The following INTS6 variants were observed in gnomAD, a reference collection of about 807,000 sequenced individuals.
The protein encoded by INTS6 is DEAD box protein.
INTS6 carries 16 observed loss-of-function variants against 104.9 expected under a neutral mutation model. That is an observed-to-expected ratio of 0.15 (90% CI 0.10 to 0.23). The LOEUF (loss-of-function observed/expected upper bound fraction) is 0.23, where lower values mean the gene tolerates loss of function less well. Among genes scored for constraint, INTS6 ranks in the 10% least tolerant of loss-of-function variants. INTS6 has a pLI of 1.00. For missense variants in INTS6, 584 were observed against 1,062.8 expected, an observed-to-expected ratio of 0.55 and a Z score of 6.26; for synonymous variants, 324 against 358.7, an observed-to-expected ratio of 0.90 and a Z score of 1.09.
At chr13:51,425,777 A>C (rs1408405603) in intron 4 of INTS6, among the ~76,000 whole-genome samples, 2 of 152,102 alleles carry the variant, frequency 1.3e-5, no homozygotes, top group Non-Finnish European at 2.9e-5. Context: ...TTCTACCAAA[A>C]CATTTGATAT....
chr13:51,403,583 A>AAAAAGAAAAAG (rs1956484386), intron 4 of INTS6, among the ~76,000 whole-genome samples: 1 of 106,420 alleles, frequency 9.4e-6, no homozygotes, highest in Non-Finnish European at 1.8e-5. Flanking sequence ...CTCCATTTCA[A>AAAAAGAAAAAG]AAAAAAAAAA....
At chr13:51,336,721 T>C in the INTS6 span, among the ~76,000 whole-genome samples, 1 of 152,176 alleles carries the variant, frequency 6.6e-6, no homozygotes, top group Non-Finnish European at 1.5e-5. Context: ...GCTGTCATCT[T>C]CACAGTGAGA....
At chr13:51,349,124 T>C (rs913783681), downstream of INTS6, among the ~76,000 whole-genome samples, 1 of 152,114 alleles carries the variant, frequency 6.6e-6, no homozygotes, top group Non-Finnish European at 1.5e-5. Flanking sequence ...GAAATCAGAG[T>C]AAATTTATAA....
the INTS6 span, among the ~76,000 whole-genome samples, chr13:51,346,186 C>T: frequency 8.5e-5 from 13 of 152,282 alleles, no homozygotes; most frequent in South Asian, 8.3e-4. Flanking sequence ...AAAAACTATC[C>T]CCTTAAGGGT....
At chr13:51,374,156 G>T in intron 15 of INTS6, 52 bp downstream of exon 15, 3 of 1,417,810 alleles carry the variant, frequency 2.1e-6, no homozygotes, top group Non-Finnish European at 3.0e-6. Context: ...TATCTTCCTT[G>T]AAAAGGAACC....
At chr13:51,376,232 A>G in intron 12 of INTS6, 58 bp from the exon 13 acceptor site, 1 of 1,412,654 alleles carries the variant, frequency 7.1e-7, no homozygotes, top group Non-Finnish European at 9.6e-7. Context: ...ACAAGAGACT[A>G]AAATCTCTAG....
chr13:51,361,748 C>G lies in INTS6; in HGVS notation c.*4004G>C. 1 of 1,408,692 alleles carries G rather than the reference C, an allele frequency of 7.1e-7. No homozygotes were observed. Among genetic ancestry groups the G allele is most frequent in the East Asian group, 2.3e-5 (1 of 42,956 alleles). The allele number at this position is 1,408,692 out of a possible 1,614,324, so 87.3% of individuals were successfully genotyped here. A position where few individuals can be genotyped will look rare whatever the true frequency, so the allele number is the denominator to read the frequency against. On this transcript the variant is annotated 3_prime_UTR_variant, in exon 18 of 18. Transcript: ENST00000311234. Reference sequence around the variant, plus strand: ...TTAAAAAATTAACTTACTTCATAACCAATAGTTATTTTCTTAAAAATGCAC... The same window carrying G: ...TTAAAAAATTAACTTACTTCATAACGAATAGTTATTTTCTTAAAAATGCAC...
intron 10 of INTS6, among the ~76,000 whole-genome samples, chr13:51,380,840 T>C (rs1956034034): frequency 6.6e-6 from 1 of 152,216 alleles, no homozygotes; most frequent in Non-Finnish European, 1.5e-5. Flanking sequence ...CTAAAGCATA[T>C]GGTTCTATAA....
At chr13:51,436,594 T>G (rs983185159) in intron 3 of INTS6, 1 of 152,142 alleles carries the variant, frequency 6.6e-6, no homozygotes, top group Non-Finnish European at 1.5e-5. Context: ...AATAATAGAC[T>G]GAAGAGTAAT....
chr13:51,350,480 G>T (rs1328139077), downstream of INTS6, among the ~76,000 whole-genome samples: 2 of 152,154 alleles, frequency 1.3e-5, no homozygotes, highest in Non-Finnish European at 2.9e-5. Flanking sequence ...ATAGAAGGCT[G>T]AGCATGAGCA....
In INTS6 at chr13:51,452,247, G is replaced by T. The variant is rs1158345623; in HGVS notation, c.111+168C>A. ...CGGGGCCGGAGCCCGGGCCCCGGCC[G>T]AACCCGGCTCGCAGCGCCCGCCCGC... On this transcript the variant is annotated intron_variant, in intron 1 of 17. Coordinates refer to ENST00000311234, the MANE Select transcript of INTS6 (RefSeq NM_012141.3). The surrounding 1 kb of genome is among the most constrained non-coding windows in gnomAD (Gnocchi z 4.2). The T allele has an allele frequency of 4.0e-6, 3 of 748,842 alleles. No homozygotes were observed. Among genetic ancestry groups the T allele is most frequent in the Admixed American group, 4.7e-5 (1 of 21,224 alleles). The allele number at this position is 748,842 out of a possible 1,614,324, so 46.4% of individuals were successfully genotyped here.
chr13:51,374,520 TA>T (rs2137885582), intron 14 of INTS6, 81 bp from the exon 15 acceptor site: 1 of 1,517,596 alleles, frequency 6.6e-7, no homozygotes, highest in East Asian at 2.3e-5. Flanking sequence ...CCAATGAAGG[TA>T]ACTATATTCT....
At chr13:51,426,505 T>A (rs1006996407) in intron 4 of INTS6, among the ~76,000 whole-genome samples, 1 of 152,076 alleles carries the variant, frequency 6.6e-6, no homozygotes, top group South Asian at 2.1e-4. Flanking sequence ...AAAATGCACA[T>A]TATACAAGAT....
chr13:51,417,567 G>C (rs1220525904), intron 4 of INTS6, among the ~76,000 whole-genome samples: 1 of 148,892 alleles, frequency 6.7e-6, no homozygotes, highest in African/African-American at 2.5e-5. Context: ...CCATTCTCCT[G>C]TCTCAGCCTC....
chr13:51,363,320 T>C lies in INTS6; in HGVS notation c.*2432A>G, dbSNP rs1955619959. On this transcript the variant is annotated 3_prime_UTR_variant, in exon 18 of 18. Transcript: ENST00000311234. ...GTTCCACAATCCACTGGAATTCTAA[T>C]AGTCCTTGTGACTTTACCTCTATCT... 1 of 151,962 alleles carries C rather than the reference T, an allele frequency of 6.6e-6. No homozygotes were observed. The highest frequency in any genetic ancestry group is 1.5e-5 in the Non-Finnish European group (1 of 67,910). 9.4% of individuals were successfully genotyped at this position (151,962 alleles called of 1,614,324 possible).
chr13:51,364,244 G>T lies in INTS6; in HGVS notation c.*1508C>A. On this transcript the variant is annotated 3_prime_UTR_variant, in exon 18 of 18. Transcript: ENST00000311234. ...ATTCTTCTTTTTCTTGACAGGGTTT[G>T]TCTTCAGTATTGGGAGAGTTTCAAA... The T allele has an allele frequency of 1.4e-6, 2 of 1,450,180 alleles. No individual in the cohort carries two copies. Among genetic ancestry groups the T allele is most frequent in the Non-Finnish European group, 1.9e-6 (2 of 1,078,992 alleles). The allele number at this position is 1,450,180 out of a possible 1,614,324, so 89.8% of individuals were successfully genotyped here. A position where few individuals can be genotyped will look rare whatever the true frequency, so the allele number is the denominator to read the frequency against.
chr13:51,394,104 T>A (rs1431928291), intron 5 of INTS6, among the ~76,000 whole-genome samples: 1 of 151,854 alleles, frequency 6.6e-6, no homozygotes, highest in African/African-American at 2.4e-5. Flanking sequence ...TGAATATAAA[T>A]GTGCACCCTC....
At chr13:51,336,380 G>A in the INTS6 span, among the ~76,000 whole-genome samples, 43 of 152,240 alleles carry the variant, frequency 2.8e-4, no homozygotes, top group South Asian at 8.3e-4. Context: ...CCAGCTACTC[G>A]CGAGGCTGAG....
At position 51,355,291 on chromosome 13, in the gene INTS6, A is replaced by G. The variant is rs116163776; in HGVS notation, n.431-955T>C. ...TTTATATAAGAATGTGTTGCTTCTAATAACAGTCAAATTTGGGTTAGATCT... is the reference window on the plus strand; with the variant it reads ...TTTATATAAGAATGTGTTGCTTCTAGTAACAGTCAAATTTGGGTTAGATCT... On this transcript the variant is annotated intron_variant and non_coding_transcript_variant, in intron 3 of 3. Transcript: ENST00000476666. 846 of 576,766 alleles carry G rather than the reference A, an allele frequency of 1.5e-3. 5 individuals are homozygous for G. The African/African-American group carries it at 0.015, about 10-fold the overall frequency. 35.7% of individuals were successfully genotyped at this position (576,766 alleles called of 1,614,324 possible).
Sources: gnomAD v4.1 joint callset for allele counts (sites outside exome capture counted in the v4.1 genomes callset) on GRCh38, gnomAD v4.1.1 for gene constraint, Gnocchi (gnomAD v3.1) non-coding constraint, MANE v1.5 for transcripts, NCBI Gene and HGNC (gene_info 2026-07-23, HGNC 2026-07-21) for gene names.